Variants in NR1H4 observed in about 807,000 individuals in gnomAD.
The protein encoded by NR1H4 is bile acid receptor.
In NR1H4, 23 loss-of-function variants were observed where a neutral mutation model predicts 58.5. The ratio of observed to expected loss-of-function variants is 0.39; its 90% confidence interval spans 0.28 to 0.56. The LOEUF is 0.56. Ranked by LOEUF, NR1H4 falls within the 20% of genes least tolerant of loss-of-function variation. The probability of loss-of-function intolerance (pLI) is 0.58; values close to 1 mark genes in which losing one functional copy is unlikely to be tolerated. For missense variants in NR1H4, 487 were observed against 576.9 expected (o/e 0.84, Z 1.60); for synonymous variants, 214 against 198.0 (o/e 1.08, Z -0.68).
At chr12:100,554,106 G>C (rs780526163) in intron 9 of NR1H4, among the ~76,000 whole-genome samples, 2 of 152,134 alleles carry the variant, frequency 1.3e-5, no homozygotes, top group South Asian at 2.1e-4. Flanking sequence ...TAGATGAATC[G>C]GTGTTATTAG....
intron 4 of NR1H4, among the ~76,000 whole-genome samples, chr12:100,515,609 C>T (rs537528892): frequency 6.6e-6 from 1 of 152,190 alleles, no homozygotes; most frequent in South Asian, 2.1e-4. Flanking sequence ...TTTTTAAAGA[C>T]TGGCATAAAA....
At chr12:100,551,443 G>T (rs1339654188) in intron 9 of NR1H4, among the ~76,000 whole-genome samples, 1 of 152,184 alleles carries the variant, frequency 6.6e-6, no homozygotes, top group Non-Finnish European at 1.5e-5. Flanking sequence ...TTTGAGAGGG[G>T]TTAGAAATGT....
chr12:100,533,988 C>G (rs1473943188), intron 5 of NR1H4, among the ~76,000 whole-genome samples: 1 of 151,826 alleles, frequency 6.6e-6, no homozygotes, highest in East Asian at 1.9e-4. Context: ...GCTCCGCTTC[C>G]CGGGTTCACG....
rs998415338 is a variant in NR1H4, at chr12:100,504,576, C to T, written c.80-6202C>T. 2.0e-5 allele frequency among the ~76,000 whole-genome samples: 3 copies of T among 152,160 alleles called. No homozygotes were observed. In the East Asian group the frequency reaches 5.8e-4, roughly 29 times the overall value. On this transcript the variant is annotated intron_variant, in intron 3 of 10. Coordinates refer to ENST00000392986, the MANE Select transcript of NR1H4 (RefSeq NM_001206979.2). ...CAAAGAGTTCACAGACTAATCACAA[C>T]AATCACAAAAGTATACATGTGTATG...
chr12:100,492,431 G>A (rs1953625145), intron 1 of NR1H4, 72 bp from the exon 2 acceptor site: 1 of 152,194 alleles, frequency 6.6e-6, no homozygotes. Flanking sequence ...TCAGAAAACA[G>A]CTTGGGAAAA....
intron 1 of NR1H4, among the ~76,000 whole-genome samples, chr12:100,477,285 A>G (rs1399396827): frequency 2.0e-5 from 3 of 152,206 alleles, no homozygotes; most frequent in African/African-American, 7.2e-5. Flanking sequence ...AGGAAAAAAA[A>G]TAAGATTTAT....
In NR1H4 at chr12:100,537,056, T is replaced by C; in HGVS notation, c.931+9T>C. 6.6e-7 allele frequency: 1 copy of C among 1,515,358 alleles called. No individual in the cohort carries two copies. Among genetic ancestry groups the C allele is most frequent in the Non-Finnish European group, 9.1e-7 (1 of 1,095,688 alleles). 93.9% of individuals were successfully genotyped at this position (1,515,358 alleles called of 1,614,324 possible). ...CACAAAAAAGCTACCAGGTATTTTT[T>C]AAATAATCAAAGTTAATATTTATTG... On this transcript the variant is annotated intron_variant, in intron 8 of 10. Coordinates refer to ENST00000392986, the MANE Select transcript of NR1H4 (RefSeq NM_001206979.2).
chr12:100,518,507 A>G (rs532483008), intron 4 of NR1H4, among the ~76,000 whole-genome samples: 41 of 152,284 alleles, frequency 2.7e-4, no homozygotes, highest in Admixed American at 5.9e-4. Flanking sequence ...GGAAAAGGAC[A>G]AGCATGCAAG....
At chr12:100,505,816 T>A (rs1953946497) in intron 3 of NR1H4, 1 of 463,940 alleles carries the variant, frequency 2.2e-6, no homozygotes, top group African/African-American at 2.0e-5. Flanking sequence ...CTACCTCTAC[T>A]CCCTCCACAT....
chr12:100,545,668 AACC>A (rs1955051808), intron 9 of NR1H4, among the ~76,000 whole-genome samples: 1 of 148,594 alleles, frequency 6.7e-6, no homozygotes. Context: ...AAAAAAAAAA[AACC>A]AAACGGGGGG....
At chr12:100,552,893 C>T (rs1460201545) in intron 9 of NR1H4, among the ~76,000 whole-genome samples, 9 of 151,784 alleles carry the variant, frequency 5.9e-5, no homozygotes, top group Admixed American at 3.9e-4. Context: ...TGCACTCCAG[C>T]CTGGGTGACA....
chr12:100,479,710 G>A (rs574256023), intron 1 of NR1H4, among the ~76,000 whole-genome samples: 2 of 152,272 alleles, frequency 1.3e-5, no homozygotes, highest in South Asian at 4.1e-4. Flanking sequence ...TCCTTACCAT[G>A]GCCAACAGGC....
intron 1 of NR1H4, among the ~76,000 whole-genome samples, chr12:100,482,926 A>ATTAT (rs1953411880): frequency 6.6e-6 from 1 of 151,742 alleles, no homozygotes; most frequent in African/African-American, 2.4e-5. Context: ...CAGGTATTTT[A>ATTAT]TTATTTATTT....
chr12:100,539,597 A>G (rs770349660), intron 8 of NR1H4, among the ~76,000 whole-genome samples: 3 of 152,178 alleles, frequency 2.0e-5, no homozygotes, highest in Non-Finnish European at 4.4e-5. Context: ...CAGCATGCAC[A>G]TGAGCTTGTG....
chr12:100,533,917 T>C (rs1954752102), intron 5 of NR1H4, among the ~76,000 whole-genome samples: 1 of 149,042 alleles, frequency 6.7e-6, no homozygotes, highest in African/African-American at 2.6e-5. Flanking sequence ...TGAGACGGAG[T>C]CTCGCTCTGT....
chr12:100,475,146 T>TATCTATCTATCC (rs1369261576), intron 1 of NR1H4, among the ~76,000 whole-genome samples: 2 of 143,744 alleles, frequency 1.4e-5, no homozygotes, highest in Non-Finnish European at 2.9e-5. Flanking sequence ...TCTATCTATC[T>TATCTATCTATCC]ATCTATCTAT....
chr12:100,493,148 T>C (rs1953639457), intron 2 of NR1H4, 122 bp from the exon 3 acceptor site: 2 of 612,722 alleles, frequency 3.3e-6, no homozygotes, highest in African/African-American at 1.8e-5. Flanking sequence ...AAGGCTATAG[T>C]AAAATGCATT....
intron 3 of NR1H4, among the ~76,000 whole-genome samples, chr12:100,495,719 C>T (rs997142937): frequency 6.6e-6 from 1 of 151,630 alleles, no homozygotes; most frequent in Admixed American, 6.6e-5. Context: ...CAGAGTGAGG[C>T]TCCAACTCAA....
chr12:100,503,366 A>AGTGGC (rs1375416249), intron 3 of NR1H4: 1 of 1,592,284 alleles, frequency 6.3e-7, no homozygotes, highest in Non-Finnish European at 8.5e-7. Flanking sequence ...TCTCATTTTC[A>AGTGGC]GTGGCTGTGA....
Sources: allele counts gnomAD v4.1 joint callset (sites outside exome capture counted in the v4.1 genomes callset), GRCh38; gene constraint gnomAD v4.1.1; transcripts MANE v1.5; gene names NCBI Gene and HGNC (gene_info 2026-07-23, HGNC 2026-07-21).